Variants in MYO9A observed in about 807,000 individuals in gnomAD.
MYO9A encodes the protein myosin IXA.
MYO9A carries 103 observed loss-of-function variants against 293.3 expected under a neutral mutation model. That is an observed-to-expected ratio of 0.35 (90% CI 0.30 to 0.41). The LOEUF (loss-of-function observed/expected upper bound fraction) is 0.41, where lower values mean the gene tolerates loss of function less well. MYO9A is among the 10% of genes least tolerant of loss of function. The probability of loss-of-function intolerance (pLI) is 1.00; values close to 1 mark genes in which losing one functional copy is unlikely to be tolerated. For synonymous variants in MYO9A, 1,001 were observed against 1,035.7 expected (o/e 0.97, Z 0.64); for missense variants, 2,685 against 3,033.0 (o/e 0.89, Z 2.69).
intron 18 of MYO9A, among the ~76,000 whole-genome samples, chr15:71,929,676 A>C (rs985927811): frequency 1.3e-5 from 2 of 152,198 alleles, no homozygotes; most frequent in African/African-American, 4.8e-5. Flanking sequence ...TGTCGTATTG[A>C]ATATGGTGTA....
chr15:71,924,435 G>A (rs1040182880), intron 18 of MYO9A, among the ~76,000 whole-genome samples: 1 of 151,804 alleles, frequency 6.6e-6, no homozygotes, highest in African/African-American at 2.4e-5. Flanking sequence ...ATAGAGACAG[G>A]GTTTTACCGT....
chr15:71,943,974 A>G (rs2146259117), intron 15 of MYO9A, among the ~76,000 whole-genome samples: 1 of 152,286 alleles, frequency 6.6e-6, no homozygotes, highest in East Asian at 1.9e-4. Context: ...ACCATTTGAC[A>G]GTGCCAAGAG....
Position 71,880,562 on chromosome 15 carries a change from C to CA in MYO9A, c.5399-5dup. 2 of 1,611,294 alleles carry CA rather than the reference C, an allele frequency of 1.2e-6. No homozygotes were observed. The highest frequency in any genetic ancestry group is 1.7e-6 in the Non-Finnish European group (2 of 1,178,192). On this transcript the variant is annotated splice_region_variant and splice_polypyrimidine_tract_variant and intron_variant, in intron 28 of 41. Coordinates refer to ENST00000356056, the MANE Select transcript of MYO9A (RefSeq NM_006901.4). ...GTTGGGTGATATGCAGCTAATTCTA[C>CA]AATTCAAGATAGAAGACCCAAAAGG...
intron 39 of MYO9A, among the ~76,000 whole-genome samples, chr15:71,839,260 G>A (rs1452225679): frequency 1.3e-5 from 2 of 152,102 alleles, no homozygotes; most frequent in African/African-American, 4.8e-5. Flanking sequence ...TAAACTACTT[G>A]GATATTTTGG....
At chr15:72,085,805 T>A (rs2079702106) in intron 1 of MYO9A, among the ~76,000 whole-genome samples, 1 of 152,234 alleles carries the variant, frequency 6.6e-6, no homozygotes. Flanking sequence ...TTTTTTGTTT[T>A]TTTCCTTTCA....
At chr15:71,889,488 C>T (rs886936594) in intron 26 of MYO9A, 1 of 110,492 alleles carries the variant, frequency 9.1e-6, no homozygotes, top group Non-Finnish European at 1.7e-5. Flanking sequence ...CATGGTCTTG[C>T]TCTGTTGCTC....
At position 71,825,995 on chromosome 15, in the gene MYO9A, G is replaced by GTTTTGTTTTTTTTTTTTTTTTTTT. The variant is rs1567169896; in HGVS notation, c.*584_*585insAAAAAAAAAAAAAAAAAAACAAAA. The GTTTTGTTTTTTTTTTTTTTTTTTT allele has an allele frequency of 2.2e-5, 2 of 91,526 alleles. No homozygotes were observed. Among genetic ancestry groups the GTTTTGTTTTTTTTTTTTTTTTTTT allele is most frequent in the Non-Finnish European group, 2.2e-5 (1 of 44,770 alleles). 5.7% of individuals were successfully genotyped at this position (91,526 alleles called of 1,614,324 possible). On this transcript the variant is annotated 3_prime_UTR_variant, in exon 42 of 42. Transcript: ENST00000356056. ...ATGGAAACAATCACGGTTTTTTTTT[G>GTTTTGTTTTTTTTTTTTTTTTTTT]TTTTTTTTTTTTTGTTTTTTTTTTT...
intron 1 of MYO9A, among the ~76,000 whole-genome samples, chr15:72,076,425 G>A (rs1430372724): frequency 1.3e-5 from 2 of 150,874 alleles, no homozygotes; most frequent in Admixed American, 6.6e-5. Context: ...AAGATACAAG[G>A]TCAATCTACA....
intron 11 of MYO9A, among the ~76,000 whole-genome samples, chr15:71,983,466 A>ATTTTTTTT (rs1217052840): frequency 3.5e-5 from 3 of 84,572 alleles, no homozygotes; most frequent in African/African-American, 9.1e-5. Flanking sequence ...TATTTTTTTT[A>ATTTTTTTT]TTTCTTTTTT....
Position 71,902,970 on chromosome 15 carries a change from G to C in MYO9A, c.2971C>G (p.Pro991Ala). The C allele has an allele frequency of 6.3e-7, 1 of 1,585,706 alleles. No individual in the cohort carries two copies. Among genetic ancestry groups the C allele is most frequent in the Non-Finnish European group, 8.6e-7 (1 of 1,157,130 alleles). The change falls in exon 22 of 42, where the codon CCA becomes GCA. Residue 991 changes from proline (P) to alanine (A), a missense_variant. By Grantham distance (27) the Pro-to-Ala change is conservative (BLOSUM62 -1). Around this residue, in one of 10 missense-constraint regions of MYO9A, gnomAD observed 1,434 missense variants for 1,497.7 expected, o/e 0.96. Coordinates refer to ENST00000356056, the MANE Select transcript of MYO9A (RefSeq NM_006901.4). Reference protein sequence around the residue: ...QDFFRKINLNPDNYQVGKTMV... With the variant: ...QDFFRKINLNADNYQVGKTMV... ...GTTTTTCCAACTTGATAATTATCTGGATTAAGATTTATTTTCCTGAAGAAA... is the reference window on the plus strand; with the variant it reads ...GTTTTTCCAACTTGATAATTATCTGCATTAAGATTTATTTTCCTGAAGAAA...
intron 8 of MYO9A, among the ~76,000 whole-genome samples, chr15:72,001,195 C>T (rs937453029): frequency 3.9e-5 from 6 of 151,976 alleles, no homozygotes; most frequent in African/African-American, 1.2e-4. Context: ...ATAAAAGTAT[C>T]CATACATAAT....
chr15:71,971,104 T>A (rs1288920501), intron 12 of MYO9A, among the ~76,000 whole-genome samples: 1 of 150,954 alleles, frequency 6.6e-6, no homozygotes, highest in Non-Finnish European at 1.5e-5. Flanking sequence ...GAGCTTGCAG[T>A]GAGCTGAGAT....
At chr15:72,103,898 G>A (rs951163206) in intron 1 of MYO9A, among the ~76,000 whole-genome samples, 5 of 152,190 alleles carry the variant, frequency 3.3e-5, no homozygotes, top group African/African-American at 1.2e-4. Flanking sequence ...TGAGGTTGGA[G>A]GGAAGCACTT....
chr15:71,849,995 A>C, intron 38 of MYO9A, 41 bp downstream of exon 38: 1 of 1,607,582 alleles, frequency 6.2e-7, no homozygotes. Flanking sequence ...CATAGTCAGA[A>C]GTCCCTGAGG....
chr15:72,052,906 C>T (rs2078609357), intron 1 of MYO9A, among the ~76,000 whole-genome samples: 1 of 152,066 alleles, frequency 6.6e-6, no homozygotes, highest in Non-Finnish European at 1.5e-5. Context: ...CAGAATAAGC[C>T]CAGCAGGCCC....
chr15:71,973,733 T>C, intron 12 of MYO9A, among the ~76,000 whole-genome samples: 1 of 152,220 alleles, frequency 6.6e-6, no homozygotes, highest in South Asian at 2.1e-4. Context: ...GTGTCTGTTA[T>C]CTACTTACGA....
In MYO9A at chr15:71,850,095, G is replaced by A. The variant is rs1166010718; in HGVS notation, c.6654C>T (p.Leu2218=). The A allele has an allele frequency of 3.7e-6, 6 of 1,614,112 alleles. No homozygotes were observed. The highest frequency in any genetic ancestry group is 5.1e-6 in the Non-Finnish European group (6 of 1,179,978). The stretch of plus-strand genomic sequence containing the variant: ...GTGGGTCAGTGGTGTCAGGGCAGCG[G>A]AGAATGCAGGGCGCAAACACAATGG... ...ALAIVFAPCI[L]RCPDTTDPLQ... Residue 2218 remains leucine (L), a synonymous_variant, in exon 38 of 42, where the codon CTC becomes CTT. Transcript: ENST00000356056.
At chr15:71,899,199 A>G (rs1255587662) in intron 24 of MYO9A, among the ~76,000 whole-genome samples, 167 bp from the exon 25 acceptor site, 2 of 152,188 alleles carry the variant, frequency 1.3e-5, no homozygotes, top group African/African-American at 4.8e-5. Flanking sequence ...TCCTATTTCC[A>G]TGAGTCAGAT....
In MYO9A at chr15:71,850,068, T is replaced by C. The variant is rs761968635; in HGVS notation, c.6681A>G (p.Leu2227=). The change falls in exon 38 of 42, where the codon CTA becomes CTG. Residue 2227 remains leucine (L), a synonymous_variant. Coordinates refer to ENST00000356056, the MANE Select transcript of MYO9A (RefSeq NM_006901.4). ...TCTTACTGATGTCCTGTACACTTTG[T>C]AGTGGGTCAGTGGTGTCAGGGCAGC... ...ILRCPDTTDP[L]QSVQDISKTT... 2 of 1,613,998 alleles carry C rather than the reference T, an allele frequency of 1.2e-6. No individual in the cohort carries two copies. The highest frequency in any genetic ancestry group is 1.3e-5 in the African/African-American group (1 of 75,028).
Sources: gnomAD v4.1 joint callset for allele counts (sites outside exome capture counted in the v4.1 genomes callset) on GRCh38, gnomAD v4.1.1 for gene constraint, gnomAD v4.1.1 regional missense constraint, MANE v1.5 for transcripts, NCBI Gene and HGNC (gene_info 2026-07-23, HGNC 2026-07-21) for gene names.